FBXO31: variants seen among roughly 807,000 people sequenced by gnomAD.
The protein encoded by FBXO31 is F-box only protein 31.
In FBXO31, 24 loss-of-function variants were observed where a neutral mutation model predicts 54.4. The ratio of observed to expected loss-of-function variants is 0.44; its 90% confidence interval spans 0.32 to 0.62. The LOEUF (loss-of-function observed/expected upper bound fraction) is 0.62, where lower values mean the gene tolerates loss of function less well. FBXO31 is among the 20% of genes least tolerant of loss of function. FBXO31 has a pLI of 0.05. For missense variants in FBXO31, 665 were observed against 787.1 expected (o/e 0.84, Z 1.86); for synonymous variants, 388 against 335.6 (o/e 1.16, Z -1.71).
intron 2 of FBXO31, among the ~76,000 whole-genome samples, chr16:87,352,126 CA>C (rs1208793707): frequency 2.6e-5 from 4 of 152,152 alleles, no homozygotes; most frequent in Admixed American, 6.5e-5. Context: ...TTAATCATTC[CA>C]CAACATACAC....
chr16:87,335,070 G>C lies in FBXO31; in HGVS notation c.996+234C>G, dbSNP rs931231061. 6.6e-6 allele frequency among the ~76,000 whole-genome samples: 1 copy of C among 152,226 alleles called. No homozygotes were observed. The highest frequency in any genetic ancestry group is 6.5e-5 in the Admixed American group (1 of 15,286). On this transcript the variant is annotated intron_variant, in intron 7 of 8. Transcript: ENST00000311635. This position sits in a 1 kb window ranked among gnomAD's most constrained non-coding sequence, Gnocchi z 5.7. ...CGGGGCTGAGCGGTGCTGTGGGAAG[G>C]CCACCTTGGAAGCACACAGACTCCC...
At position 87,345,598 on chromosome 16, in the gene FBXO31, A is replaced by G. The variant is rs1012231448; in HGVS notation, c.489+1576T>C. Among the ~76,000 whole-genome samples, 1 of 152,240 alleles carries G rather than the reference A, an allele frequency of 6.6e-6. No homozygotes were observed. The highest frequency in any genetic ancestry group is 2.4e-5 in the African/African-American group (1 of 41,464). ...GCTCCTGGCCCTGGCCCCAGAGCTC[A>G]TATCAAACCTGCCCTCCTGCTGAGA... On this transcript the variant is annotated intron_variant, in intron 3 of 8. Transcript: ENST00000311635. The surrounding 1 kb of genome is among the most constrained non-coding windows in gnomAD (Gnocchi z 4.9).
At chr16:87,341,034 C>A (rs997804818) in intron 5 of FBXO31, among the ~76,000 whole-genome samples, 12 of 152,162 alleles carry the variant, frequency 7.9e-5, no homozygotes, top group Non-Finnish European at 1.5e-4. Context: ...ACAGAGAGCT[C>A]CTGATCCCAA....
intron 1 of FBXO31, among the ~76,000 whole-genome samples, chr16:87,363,020 G>A (rs1196631346): frequency 6.6e-6 from 1 of 152,190 alleles, no homozygotes; most frequent in Non-Finnish European, 1.5e-5. Context: ...CCCAAGGGCC[G>A]CTCTGACAAC....
chr16:87,355,833 GC>G (rs1441314128), intron 2 of FBXO31, among the ~76,000 whole-genome samples: 1 of 152,160 alleles, frequency 6.6e-6, no homozygotes, highest in Non-Finnish European at 1.5e-5. Context: ...AATGTCCCCT[GC>G]CCCCAGTGCA....
At chr16:87,382,171 T>C (rs1209296163) in intron 1 of FBXO31, among the ~76,000 whole-genome samples, 1 of 152,148 alleles carries the variant, frequency 6.6e-6, no homozygotes, top group African/African-American at 2.4e-5. Flanking sequence ...CTTCAAAGCT[T>C]ATCAGTGAGG....
rs1357565645 is a variant in FBXO31 at position 87,345,007 on chromosome 16, C to T, written c.490-1242G>A. On this transcript the variant is annotated intron_variant, in intron 3 of 8. Transcript: ENST00000311635. The surrounding 1 kb of genome is among the most constrained non-coding windows in gnomAD (Gnocchi z 4.9). ...CCGAACCCCACCTGGGGGCAGAGCC[C>T]ATCCCTGCCCCGAACCCCACCTGAG... 6.6e-6 allele frequency among the ~76,000 whole-genome samples: 1 copy of T among 151,848 alleles called. No individual in the cohort carries two copies. Among genetic ancestry groups the T allele is most frequent in the Non-Finnish European group, 1.5e-5 (1 of 67,882 alleles).
chr16:87,368,856 G>A (rs1419883934), intron 1 of FBXO31, among the ~76,000 whole-genome samples: 3 of 152,288 alleles, frequency 2.0e-5, no homozygotes, highest in Non-Finnish European at 4.4e-5. Context: ...CCGGAGTGCA[G>A]TGGCACCATC....
rs1904784219 is a variant in FBXO31, at chr16:87,329,812, C to T, written c.*1476G>A. 6.6e-6 allele frequency: 1 copy of T among 152,264 alleles called. No homozygotes were observed. The highest frequency in any genetic ancestry group is 2.4e-5 in the African/African-American group (1 of 41,476). 9.4% of individuals were successfully genotyped at this position (152,264 alleles called of 1,614,324 possible). A position where few individuals can be genotyped will look rare whatever the true frequency, so the allele number is the denominator to read the frequency against. Reference sequence around the variant, plus strand: ...AGGAACCTTTGCCAATTCTCTGACTCTGGGAAGCAAAGTAAGCATTTGCCA... The same window carrying T: ...AGGAACCTTTGCCAATTCTCTGACTTTGGGAAGCAAAGTAAGCATTTGCCA... On this transcript the variant is annotated 3_prime_UTR_variant, in exon 9 of 9. Coordinates refer to ENST00000311635, the MANE Select transcript of FBXO31 (RefSeq NM_024735.5).
chr16:87,384,676 T>G (rs984851044), upstream of FBXO31, among the ~76,000 whole-genome samples: 1 of 151,894 alleles, frequency 6.6e-6, no homozygotes, highest in Non-Finnish European at 1.5e-5. Flanking sequence ...CAGGCGGGAG[T>G]ATCAATCGAG....
At chr16:87,363,473 A>AC (rs1906225597) in intron 1 of FBXO31, among the ~76,000 whole-genome samples, 1 of 152,204 alleles carries the variant, frequency 6.6e-6, no homozygotes, top group Non-Finnish European at 1.5e-5. Context: ...GGGGCATCTG[A>AC]GGCTTGCCTG....
Position 87,383,363 on chromosome 16 carries a change from G to C in FBXO31, c.340+42C>G. On this transcript the variant is annotated intron_variant, in intron 1 of 8. Transcript: ENST00000311635. This position sits in a 1 kb window ranked among gnomAD's most constrained non-coding sequence, Gnocchi z 4.9. Reference sequence around the variant, plus strand: ...AGCTCCGAGGCCTCCACCTGGCAGGGACCCCCCGCCCCTCCCGGCCCCGCC... The same window carrying C: ...AGCTCCGAGGCCTCCACCTGGCAGGCACCCCCCGCCCCTCCCGGCCCCGCC... 1.4e-6 allele frequency: 2 copies of C among 1,437,772 alleles called. No homozygotes were observed. The highest frequency in any genetic ancestry group is 1.2e-5 in the South Asian group (1 of 80,004). 89.1% of individuals were successfully genotyped at this position (1,437,772 alleles called of 1,614,324 possible).
At chr16:87,382,260 T>C (rs969328446) in intron 1 of FBXO31, among the ~76,000 whole-genome samples, 1 of 152,186 alleles carries the variant, frequency 6.6e-6, no homozygotes, top group Admixed American at 6.5e-5. Flanking sequence ...AGAATATATA[T>C]TGCATTATAT....
At chr16:87,369,586 C>T (rs1462123370) in intron 1 of FBXO31, among the ~76,000 whole-genome samples, 1 of 152,140 alleles carries the variant, frequency 6.6e-6, no homozygotes, top group Admixed American at 6.6e-5. Context: ...GGATGAGCAC[C>T]TGGGATGGCT....
At chr16:87,353,490 C>T (rs1020761065) in intron 2 of FBXO31, among the ~76,000 whole-genome samples, 10 of 152,220 alleles carry the variant, frequency 6.6e-5, no homozygotes, top group African/African-American at 2.2e-4. Context: ...AGAAAGTGCC[C>T]GATCCACTGA....
intron 2 of FBXO31, among the ~76,000 whole-genome samples, chr16:87,351,634 C>T (rs1321809519): frequency 2.6e-5 from 4 of 152,082 alleles, no homozygotes; most frequent in Non-Finnish European, 5.9e-5. Context: ...TTTAGGAGGC[C>T]GAGGCAGGCG....
At chr16:87,356,912 T>A (rs1389343598) in intron 2 of FBXO31, among the ~76,000 whole-genome samples, 1 of 152,002 alleles carries the variant, frequency 6.6e-6, no homozygotes, top group Non-Finnish European at 1.5e-5. Flanking sequence ...ACAGCTGAAA[T>A]TCATTGTCTC....
chr16:87,340,000 C>T (rs1407976801), intron 5 of FBXO31, among the ~76,000 whole-genome samples: 4 of 152,194 alleles, frequency 2.6e-5, no homozygotes, highest in East Asian at 1.9e-4. Context: ...TACAAGAATT[C>T]GGCCGGGCGC....
chr16:87,383,718 GCCGCAAAGGC>G lies in FBXO31; in HGVS notation c.17_26del (p.Arg6ProfsTer152). ...GCCGACATCCGCGCGACGGGCCCAC[GCCGCAAAGGC>G]GAGCACACACCGCCATGCCGCCCAG... is the stretch of plus-strand genomic sequence containing the variant. On this transcript the variant is annotated frameshift_variant, in exon 1 of 9. Coordinates refer to ENST00000311635, the MANE Select transcript of FBXO31 (RefSeq NM_024735.5). LOFTEE classifies it high-confidence loss of function. The surrounding 1 kb of genome is among the most constrained non-coding windows in gnomAD (Gnocchi z 4.9). The G allele has an allele frequency of 8.0e-7, 1 of 1,251,008 alleles. No individual in the cohort carries two copies. The allele number at this position is 1,251,008 out of a possible 1,614,324, so 77.5% of individuals were successfully genotyped here.
Sources: gnomAD v4.1 joint callset for allele counts (sites outside exome capture counted in the v4.1 genomes callset) on GRCh38, gnomAD v4.1.1 for gene constraint, Gnocchi (gnomAD v3.1) non-coding constraint, MANE v1.5 for transcripts, NCBI Gene and HGNC (gene_info 2026-07-23, HGNC 2026-07-21) for gene names.